The following COPS4 variants were observed in gnomAD, a reference collection of about 807,000 sequenced individuals.
COPS4 encodes COP9 signalosome subunit 4.
Under a neutral mutation model 55.1 loss-of-function variants are expected in COPS4, and 8 were observed. The observed-to-expected ratio is 0.15, with a 90% CI of 0.09 to 0.26. COPS4 has a LOEUF of 0.26. Ranked by LOEUF, COPS4 falls within the 10% of genes least tolerant of loss-of-function variation. COPS4 has a pLI of 1.00. For synonymous variants in COPS4, 185 were observed against 165.7 expected (o/e 1.12, Z -0.90); for missense variants, 248 against 484.0 (o/e 0.51, Z 4.58).
At position 83,049,304 on chromosome 4, in the gene COPS4, C is replaced by T; in HGVS notation, c.293C>T (p.Ser98Leu). 6.3e-7 allele frequency: 1 copy of T among 1,584,066 alleles called. No individual in the cohort carries two copies. The highest frequency in any genetic ancestry group is 8.5e-7 in the Non-Finnish European group (1 of 1,171,234). The change falls in exon 3 of 10, where the codon TCA becomes TTA. Residue 98 changes from serine (S) to leucine (L), a missense_variant. Ser to Leu is a moderately radical substitution (Grantham distance 145, BLOSUM62 -2). This residue lies in a region of COPS4 where 155 missense variants were observed against 326.6 expected (regional missense o/e 0.47). Coordinates refer to ENST00000264389, the MANE Select transcript of COPS4 (RefSeq NM_016129.3). ...TLEKIQPRVI[S>L]FEEQVASIRQ... The stretch of plus-strand genomic sequence containing the variant: ...GAAAAGATCCAGCCTAGAGTCATTT[C>T]ATTTGAGGAGCAGGTAAAAATCTAG...
At position 83,075,335 on chromosome 4, in the gene COPS4, T is replaced by G; in HGVS notation, c.1126T>G (p.Ser376Ala). The G allele has an allele frequency of 3.1e-6, 5 of 1,614,168 alleles. No homozygotes were observed. The highest frequency in any genetic ancestry group is 4.2e-6 in the Non-Finnish European group (5 of 1,180,020). The change falls in exon 10 of 10, where the codon TCA becomes GCA. Residue 376 changes from serine (S) to alanine (A), a missense_variant. Transcript: ENST00000264389. ...ALPTWDKQIQSLCFQVNNLLE... is the reference protein window; with the variant it reads ...ALPTWDKQIQALCFQVNNLLE... ...GCCAACGTGGGATAAGCAGATCCAA[T>G]CACTTTGTTTCCAAGTGAATAACCT...
At chr4:83,052,691 G>T (rs916118204) in intron 4 of COPS4, among the ~76,000 whole-genome samples, 2 of 152,058 alleles carry the variant, frequency 1.3e-5, no homozygotes, top group Non-Finnish European at 2.9e-5. Flanking sequence ...GCTCACTTCA[G>T]TGTCCGTCTC....
intron 6 of COPS4, among the ~76,000 whole-genome samples, chr4:83,062,589 G>A (rs1239888689): frequency 6.6e-6 from 1 of 151,686 alleles, no homozygotes; most frequent in Non-Finnish European, 1.5e-5. Context: ...TTAAGATCAT[G>A]TTTTTCACAC....
intron 6 of COPS4, among the ~76,000 whole-genome samples, chr4:83,057,631 G>A (rs541489204): frequency 6.6e-5 from 10 of 152,210 alleles, no homozygotes; most frequent in Non-Finnish European, 1.3e-4. Flanking sequence ...GGTAAGAATA[G>A]TTAAAAGAGG....
chr4:83,066,503 A>C lies in COPS4; in HGVS notation c.952A>C (p.Asn318His). Residue 318 changes from asparagine (N) to histidine (H), a missense_variant, in exon 8 of 10, where the codon AAT (asparagine) becomes CAT (histidine). By Grantham distance (68) the Asn-to-His change is moderately conservative. This residue lies in a region of COPS4 where 155 missense variants were observed against 326.6 expected (regional missense o/e 0.47). Transcript: ENST00000264389. ...NLLSASKLYN[N>H]ITFEELGALL... ...GTTGTCTGCAAGCAAATTATATAAT[A>C]ATATTACCTTCGAAGAACTTGGAGC... 6.2e-7 allele frequency: 1 copy of C among 1,602,746 alleles called. No homozygotes were observed. The highest frequency in any genetic ancestry group is 8.5e-7 in the Non-Finnish European group (1 of 1,174,928).
rs550644106 is a variant in COPS4 at position 83,045,446 on chromosome 4, A to G, written c.75-180A>G. On this transcript the variant is annotated intron_variant, in intron 1 of 9. Transcript: ENST00000264389. The stretch of plus-strand genomic sequence containing the variant: ...TGGTACCTTATATAATTATAGATTT[A>G]ATATCTCTTGTGATAGACTAGAAAC... Among the ~76,000 whole-genome samples the G allele has an allele frequency of 6.1e-3, 932 of 152,236 alleles. 5 individuals carry two copies. The highest frequency in any genetic ancestry group is 0.011 in the Non-Finnish European group (741 of 68,004).
intron 1 of COPS4, among the ~76,000 whole-genome samples, chr4:83,042,426 CTGT>C (rs1730591422): frequency 6.6e-6 from 1 of 151,824 alleles, no homozygotes; most frequent in South Asian, 2.1e-4. Context: ...AAAGTAATCT[CTGT>C]TGTTAGATAC....
At chr4:83,057,235 T>C (rs1731035790) in intron 5 of COPS4, 23 bp from the exon 6 acceptor site, 1 of 1,565,056 alleles carries the variant, frequency 6.4e-7, no homozygotes, top group Non-Finnish European at 8.7e-7. Flanking sequence ...TGTCCCCTAA[T>C]TGAAATATTT....
At chr4:83,056,856 A>T in intron 4 of COPS4, 70 bp from the exon 5 acceptor site, 1 of 1,272,530 alleles carries the variant, frequency 7.9e-7, no homozygotes, top group Non-Finnish European at 1.1e-6. Context: ...AAAACAACAT[A>T]TCTTCTATTA....
At chr4:83,060,605 C>T (rs1205042445) in intron 6 of COPS4, among the ~76,000 whole-genome samples, 3 of 151,560 alleles carry the variant, frequency 2.0e-5, no homozygotes, top group Admixed American at 6.6e-5. Context: ...CGTGCCCGGC[C>T]GACAGATGGT....
At chr4:83,067,948 AAC>A (rs1178989023) in intron 8 of COPS4, among the ~76,000 whole-genome samples, 1 of 152,184 alleles carries the variant, frequency 6.6e-6, no homozygotes, top group Non-Finnish European at 1.5e-5. Flanking sequence ...ATGCACAGTA[AAC>A]ATTAAGTATG....
intron 4 of COPS4, among the ~76,000 whole-genome samples, chr4:83,053,282 A>T (rs188208847): frequency 2.8e-4 from 43 of 152,348 alleles, no homozygotes; most frequent in African/African-American, 9.4e-4. Flanking sequence ...GAGTGAGCAA[A>T]CAATTAGGTT....
chr4:83,048,228 A>G (rs1015520017), intron 2 of COPS4, among the ~76,000 whole-genome samples: 2 of 152,320 alleles, frequency 1.3e-5, no homozygotes, highest in African/African-American at 4.8e-5. Context: ...AGCATAGAGA[A>G]GTTAAGTTTC....
At chr4:83,058,863 T>G (rs1731080383) in intron 6 of COPS4, among the ~76,000 whole-genome samples, 1 of 152,200 alleles carries the variant, frequency 6.6e-6, no homozygotes, top group African/African-American at 2.4e-5. Context: ...GTACATACTT[T>G]TGAATTTTTG....
chr4:83,041,355 G>C (rs13108657), intron 1 of COPS4, among the ~76,000 whole-genome samples: 1 of 151,570 alleles, frequency 6.6e-6, no homozygotes, highest in South Asian at 2.1e-4. Flanking sequence ...GAGCCACTGC[G>C]CCCGGCCAAA....
At chr4:83,073,812 C>T (rs528086113) in intron 9 of COPS4, among the ~76,000 whole-genome samples, 2 of 152,070 alleles carry the variant, frequency 1.3e-5, no homozygotes, top group Non-Finnish European at 2.9e-5. Flanking sequence ...CAAAAATTAG[C>T]TGGGCGTAGT....
At chr4:83,041,868 C>CTT (rs142078613) in intron 1 of COPS4, among the ~76,000 whole-genome samples, 2 of 144,034 alleles carry the variant, frequency 1.4e-5, no homozygotes, top group South Asian at 2.2e-4. Flanking sequence ...TAATTTAATA[C>CTT]TTTTTTTTTT....
At chr4:83,035,351 G>A (rs1009595232) in intron 1 of COPS4, 53 bp downstream of exon 1, 16 of 1,390,814 alleles carry the variant, frequency 1.2e-5, no homozygotes, top group Non-Finnish European at 1.6e-5. Flanking sequence ...GAAAGCCACA[G>A]CCTTAATCTC....
At chr4:83,040,324 T>G (rs1046825315) in intron 1 of COPS4, among the ~76,000 whole-genome samples, 5 of 152,192 alleles carry the variant, frequency 3.3e-5, no homozygotes, top group African/African-American at 1.2e-4. Flanking sequence ...TTTGACGTTT[T>G]GGTTGTTGCG....
Sources: gnomAD v4.1 joint callset for allele counts (sites outside exome capture counted in the v4.1 genomes callset) on GRCh38, gnomAD v4.1.1 for gene constraint, gnomAD v4.1.1 regional missense constraint, MANE v1.5 for transcripts, NCBI Gene and HGNC (gene_info 2026-07-23, HGNC 2026-07-21) for gene names.